The following UCK2 variants were observed in gnomAD, a reference collection of about 807,000 sequenced individuals.
UCK2 encodes uridine-cytidine kinase 2, also known as cytidine monophosphokinase 2.
In UCK2, 6 loss-of-function variants were observed where a neutral mutation model predicts 30.8. That is an observed-to-expected ratio of 0.19 (90% CI 0.11 to 0.38). UCK2 has a LOEUF of 0.38. Among genes scored for constraint, UCK2 ranks in the 10% least tolerant of loss-of-function variants. The pLI is 1.00. For missense variants in UCK2, 210 were observed against 339.8 expected (o/e 0.62, Z 3.00); for synonymous variants, 125 against 133.6 (o/e 0.94, Z 0.45).
At chr1:165,865,539 AATC>A (rs1026037933) in intron 1 of UCK2, among the ~76,000 whole-genome samples, 1 of 152,100 alleles carries the variant, frequency 6.6e-6, no homozygotes, top group Non-Finnish European at 1.5e-5. Context: ...TTGTCAATTC[AATC>A]ATATTTCTTT....
At chr1:165,886,877 C>G (rs1462276436) in intron 1 of UCK2, among the ~76,000 whole-genome samples, 2 of 152,176 alleles carry the variant, frequency 1.3e-5, no homozygotes, top group Non-Finnish European at 2.9e-5. Flanking sequence ...CCAGATTCAA[C>G]AGTTATCCGG....
At chr1:165,852,939 C>T (rs10800162) in intron 1 of UCK2, among the ~76,000 whole-genome samples, 60,738 of 152,010 alleles carry the variant, frequency 0.4, 12,234 homozygotes, top group Middle Eastern at 0.56. Context: ...GTGATCTTCC[C>T]TTAAAGGTTA....
chr1:165,885,151 A>T (rs781520314), intron 1 of UCK2: 3 of 372,896 alleles, frequency 8.0e-6, no homozygotes, highest in Non-Finnish European at 1.4e-5. Context: ...GAGGTAAAGT[A>T]CATTTATGGA....
intron 1 of UCK2, among the ~76,000 whole-genome samples, chr1:165,856,892 G>A (rs1010425119): frequency 7.2e-6 from 1 of 139,126 alleles, no homozygotes; most frequent in Non-Finnish European, 1.5e-5. Flanking sequence ...CCTCATAGGC[G>A]GCCCCAGGGT....
At chr1:165,842,298 G>A (rs1167285620) in intron 1 of UCK2, among the ~76,000 whole-genome samples, 1 of 151,938 alleles carries the variant, frequency 6.6e-6, no homozygotes, top group African/African-American at 2.4e-5. Context: ...TCAGTGCTTC[G>A]CAGATTGGGT....
intron 1 of UCK2, among the ~76,000 whole-genome samples, chr1:165,857,143 A>G (rs1301772240): frequency 6.6e-6 from 1 of 152,096 alleles, no homozygotes; most frequent in African/African-American, 2.4e-5. Context: ...CTTTTGTTAC[A>G]TATTAACATG....
At chr1:165,848,619 C>G (rs1018187264) in intron 1 of UCK2, among the ~76,000 whole-genome samples, 18 of 151,760 alleles carry the variant, frequency 1.2e-4, no homozygotes, top group African/African-American at 4.4e-4. Flanking sequence ...GATGACAGAG[C>G]AAGACTCTTG....
intron 3 of UCK2, 90 bp downstream of exon 3, chr1:165,891,412 A>G (rs1655765274): frequency 2.5e-6 from 3 of 1,189,936 alleles, no homozygotes; most frequent in Non-Finnish European, 3.7e-6. Context: ...TACCTCTCGC[A>G]CTTCAGACCT....
chr1:165,879,514 G>C (rs1321548883), intron 1 of UCK2, among the ~76,000 whole-genome samples: 1 of 144,074 alleles, frequency 6.9e-6, no homozygotes, highest in East Asian at 1.9e-4. Context: ...ATTAATAAAA[G>C]AAAATCATTA....
At chr1:165,836,485 A>C (rs1263842175) in intron 1 of UCK2, among the ~76,000 whole-genome samples, 3 of 152,214 alleles carry the variant, frequency 2.0e-5, no homozygotes, top group African/African-American at 7.2e-5. Context: ...TTACCTTTAA[A>C]ATTATATGTC....
chr1:165,877,384 A>T (rs1048335860), intron 1 of UCK2, among the ~76,000 whole-genome samples: 16 of 152,224 alleles, frequency 1.1e-4, no homozygotes, highest in Non-Finnish European at 2.4e-4. Context: ...CAGTGAAGAT[A>T]CAGAACACTT....
At chr1:165,836,938 C>T (rs909762169) in intron 1 of UCK2, among the ~76,000 whole-genome samples, 10 of 152,066 alleles carry the variant, frequency 6.6e-5, no homozygotes, top group African/African-American at 1.7e-4. Context: ...ATGGTCATCC[C>T]GTCCTGGAAG....
Position 165,907,905 on chromosome 1 carries a change from T to G in UCK2, c.*82T>G, listed in dbSNP as rs1438578750. 6.7e-7 allele frequency: 1 copy of G among 1,497,754 alleles called. No individual in the cohort carries two copies. The highest frequency in any genetic ancestry group is 9.0e-7 in the Non-Finnish European group (1 of 1,115,774). The allele number at this position is 1,497,754 out of a possible 1,614,324, so 92.8% of individuals were successfully genotyped here. A position where few individuals can be genotyped will look rare whatever the true frequency, so the allele number is the denominator to read the frequency against. On this transcript the variant is annotated 3_prime_UTR_variant, in exon 7 of 7. Coordinates refer to ENST00000367879, the MANE Select transcript of UCK2 (RefSeq NM_012474.5). Reference sequence around the variant, plus strand: ...GCACTGCTCATCTGTACATACTGTTTCCTATGACATTACTGTATTTAAGAA... The same window carrying G: ...GCACTGCTCATCTGTACATACTGTTGCCTATGACATTACTGTATTTAAGAA...
At position 165,827,735 on chromosome 1, in the gene UCK2, C is replaced by T; in HGVS notation, c.-99C>T. ...ACAGCGGCCTCAGCCCCGGCAGCGC[C>T]CAGCGGCGGCTGCGGAAAGCGGAGG... is the stretch of plus-strand genomic sequence containing the variant. On this transcript the variant is annotated 5_prime_UTR_variant, in exon 1 of 7. Transcript: ENST00000367879. 1 of 1,125,642 alleles carries T rather than the reference C, an allele frequency of 8.9e-7. No homozygotes were observed. The highest frequency in any genetic ancestry group is 2.5e-4 in the Middle Eastern group (1 of 3,968). The allele number at this position is 1,125,642 out of a possible 1,614,324, so 69.7% of individuals were successfully genotyped here.
chr1:165,866,138 G>A (rs1397106540), intron 1 of UCK2, among the ~76,000 whole-genome samples: 1 of 152,174 alleles, frequency 6.6e-6, no homozygotes, highest in Non-Finnish European at 1.5e-5. Flanking sequence ...TGGAGTATAG[G>A]CTGTGCTCTT....
chr1:165,893,795 C>T (rs766041024), intron 3 of UCK2, among the ~76,000 whole-genome samples: 10 of 152,130 alleles, frequency 6.6e-5, no homozygotes, highest in Non-Finnish European at 1.3e-4. Flanking sequence ...TTTAGACCTG[C>T]GTTTGGACTT....
chr1:165,853,118 A>G (rs1654640142), intron 1 of UCK2, among the ~76,000 whole-genome samples: 1 of 152,140 alleles, frequency 6.6e-6, no homozygotes, highest in Non-Finnish European at 1.5e-5. Flanking sequence ...TGTCATAGAG[A>G]ACAGGTTTTA....
intron 1 of UCK2, among the ~76,000 whole-genome samples, chr1:165,875,684 G>A (rs2101873269): frequency 6.6e-6 from 1 of 152,218 alleles, no homozygotes; most frequent in South Asian, 2.1e-4. Flanking sequence ...CAGAACTCAG[G>A]GAAACACTTA....
chr1:165,829,886 G>A (rs906882337), intron 1 of UCK2, among the ~76,000 whole-genome samples: 3 of 152,188 alleles, frequency 2.0e-5, no homozygotes, highest in African/African-American at 7.2e-5. Flanking sequence ...ACAAGGTCTC[G>A]CATTTCCACC....
Sources: allele counts gnomAD v4.1 joint callset (sites outside exome capture counted in the v4.1 genomes callset), GRCh38; gene constraint gnomAD v4.1.1; transcripts MANE v1.5; gene names NCBI Gene and HGNC (gene_info 2026-07-23, HGNC 2026-07-21).